CTNNA2: variants seen among roughly 807,000 people sequenced by gnomAD.
CTNNA2 encodes catenin alpha 2, also known as catenin alpha-2.
A neutral mutation model predicts 101.0 loss-of-function variants in CTNNA2; 42 were observed. That is an observed-to-expected ratio of 0.42 (90% CI 0.32 to 0.54). CTNNA2 has a LOEUF of 0.54. Ranked by LOEUF, CTNNA2 falls within the 20% of genes least tolerant of loss-of-function variation. The pLI, the probability that CTNNA2 is intolerant of heterozygous loss-of-function variation, is 0.14. For synonymous variants in CTNNA2, 450 were observed against 456.4 expected (o/e 0.99, Z 0.18); for missense variants, 871 against 1,223.1 (o/e 0.71, Z 4.29).
At chr2:79,683,669 G>C (rs1052008942) in intron 2 of CTNNA2, among the ~76,000 whole-genome samples, 2 of 152,226 alleles carry the variant, frequency 1.3e-5, no homozygotes, top group Non-Finnish European at 2.9e-5. Context: ...TGCCAGGTTA[G>C]TTCCCTTTGT....
chr2:79,336,922 G>A (rs571501016), intron 3 of CTNNA2, among the ~76,000 whole-genome samples: 3 of 152,284 alleles, frequency 2.0e-5, no homozygotes, highest in African/African-American at 7.2e-5. Flanking sequence ...TCCATGGGGT[G>A]TGACCAGACT....
chr2:79,267,727 TG>T, intron 2 of CTNNA2, among the ~76,000 whole-genome samples: 1 of 152,196 alleles, frequency 6.6e-6, no homozygotes, highest in Non-Finnish European at 1.5e-5. Context: ...GATGCTGAAC[TG>T]GTGGTGGGGA....
chr2:80,313,680 G>A (rs1296407487), intron 7 of CTNNA2: 2 of 1,562,824 alleles, frequency 1.3e-6, no homozygotes, highest in Admixed American at 3.7e-5. Flanking sequence ...GGGTAAGAAA[G>A]GAGTGTGAAT....
chr2:80,499,947 A>G (rs1288442178), intron 9 of CTNNA2, among the ~76,000 whole-genome samples: 1 of 151,554 alleles, frequency 6.6e-6, no homozygotes, highest in Non-Finnish European at 1.5e-5. Context: ...AAAAAAAAAA[A>G]GGTTAAAACA....
At chr2:79,595,452 C>G (rs944207099) in intron 1 of CTNNA2, among the ~76,000 whole-genome samples, 1 of 152,140 alleles carries the variant, frequency 6.6e-6, no homozygotes, top group African/African-American at 2.4e-5. Flanking sequence ...ATCCCAAATT[C>G]AGTACATCTA....
chr2:79,382,158 G>C (rs1218470227), intron 4 of CTNNA2, among the ~76,000 whole-genome samples: 2 of 151,716 alleles, frequency 1.3e-5, no homozygotes, highest in Non-Finnish European at 2.9e-5. Flanking sequence ...TGCTTGGTGG[G>C]ACATCCTCTC....
chr2:80,015,049 G>A (rs779252641), intron 7 of CTNNA2, among the ~76,000 whole-genome samples: 15 of 152,120 alleles, frequency 9.9e-5, no homozygotes, highest in Admixed American at 4.6e-4. Flanking sequence ...CAGTGATTCC[G>A]TTATATGGGG....
intron 9 of CTNNA2, among the ~76,000 whole-genome samples, chr2:80,443,866 G>T (rs1212303987): frequency 2.0e-5 from 3 of 152,192 alleles, no homozygotes; most frequent in Non-Finnish European, 4.4e-5. Context: ...GACCAGACTT[G>T]TGTTATATAT....
intron 18 of CTNNA2, among the ~76,000 whole-genome samples, chr2:80,644,128 G>A (rs1673798382): frequency 6.6e-6 from 1 of 152,108 alleles, no homozygotes; most frequent in Non-Finnish European, 1.5e-5. Flanking sequence ...GTGGGCCTTG[G>A]AGAGAGATAG....
intron 13 of CTNNA2, among the ~76,000 whole-genome samples, 180 bp downstream of exon 13, chr2:80,574,494 G>A (rs2149703695): frequency 6.6e-6 from 1 of 152,288 alleles, no homozygotes; most frequent in South Asian, 2.1e-4. Context: ...ATATCAACAA[G>A]CTCAAGTGAG....
At chr2:79,267,457 G>T (rs1444688648) in intron 2 of CTNNA2, among the ~76,000 whole-genome samples, 1 of 152,108 alleles carries the variant, frequency 6.6e-6, no homozygotes, top group African/African-American at 2.4e-5. Flanking sequence ...TTAATGAGAG[G>T]TGAGGCCTCA....
At chr2:79,868,346 A>G (rs1213980766) in intron 4 of CTNNA2, among the ~76,000 whole-genome samples, 1 of 152,184 alleles carries the variant, frequency 6.6e-6, no homozygotes, top group East Asian at 1.9e-4. Flanking sequence ...ATTCCAAATA[A>G]CTTCCTTTGC....
chr2:80,188,982 CT>C (rs1341218763), intron 7 of CTNNA2, among the ~76,000 whole-genome samples: 5 of 123,268 alleles, frequency 4.1e-5, no homozygotes, highest in Non-Finnish European at 6.3e-5. Context: ...GAGACAGAGC[CT>C]TACTCTGTCA....
chr2:80,085,420 C>CCATGGTG (rs1699378336), intron 7 of CTNNA2, among the ~76,000 whole-genome samples: 1 of 151,988 alleles, frequency 6.6e-6, no homozygotes, highest in Non-Finnish European at 1.5e-5. Flanking sequence ...CAAATCTTAA[C>CCATGGTG]CATGGTGCAA....
chr2:79,643,189 C>CAA (rs199675781), intron 1 of CTNNA2, among the ~76,000 whole-genome samples: 2 of 148,526 alleles, frequency 1.3e-5, no homozygotes, highest in African/African-American at 4.9e-5. Flanking sequence ...GGCTCCGTCT[C>CAA]AAAAAAAAAA....
intron 2 of CTNNA2, among the ~76,000 whole-genome samples, chr2:79,205,135 C>G (rs1014052860): frequency 6.6e-6 from 1 of 152,184 alleles, no homozygotes; most frequent in African/African-American, 2.4e-5. Context: ...TATATGGCTT[C>G]TTTGTGGCTC....
intron 7 of CTNNA2, among the ~76,000 whole-genome samples, chr2:80,280,076 T>C (rs1674245093): frequency 6.6e-6 from 1 of 151,776 alleles, no homozygotes; most frequent in South Asian, 2.1e-4. Flanking sequence ...CTTGTATGAC[T>C]TCAAGTAATA....
intron 4 of CTNNA2, among the ~76,000 whole-genome samples, chr2:79,417,315 A>G (rs941322721): frequency 1.3e-5 from 2 of 152,150 alleles, no homozygotes; most frequent in Admixed American, 6.6e-5. Context: ...GAATAAAAAC[A>G]TTACTAAGAT....
intron 7 of CTNNA2, among the ~76,000 whole-genome samples, chr2:79,973,091 T>A (rs949385670): frequency 1.3e-5 from 2 of 152,200 alleles, no homozygotes; most frequent in African/African-American, 4.8e-5. Context: ...CGTTTTTTTT[T>A]AATTGCCCTG....
Sources: gnomAD v4.1 joint callset for allele counts (sites outside exome capture counted in the v4.1 genomes callset) on GRCh38, gnomAD v4.1.1 for gene constraint, MANE v1.5 for transcripts, NCBI Gene and HGNC (gene_info 2026-07-23, HGNC 2026-07-21) for gene names.